Variants in KAZN observed in about 807,000 individuals in gnomAD.
The protein encoded by KAZN is kazrin, periplakin interacting protein.
A neutral mutation model predicts 87.4 loss-of-function variants in KAZN; 40 were observed. That is an observed-to-expected ratio of 0.46 (90% CI 0.36 to 0.60). The LOEUF (loss-of-function observed/expected upper bound fraction) is 0.60. KAZN is among the 20% of genes least tolerant of loss of function. KAZN has a pLI of 0.00. For missense variants in KAZN, 898 were observed against 1,073.9 expected, an observed-to-expected ratio of 0.84 and a Z score of 2.29; for synonymous variants, 466 against 458.3, an observed-to-expected ratio of 1.02 and a Z score of -0.22.
In KAZN at chr1:14,297,261, T is replaced by C. The variant is rs182631776; in HGVS notation, c.249+116669T>C. 5.3e-4 allele frequency among the ~76,000 whole-genome samples: 81 copies of C among 152,262 alleles called. 2 individuals are homozygous for C. Among genetic ancestry groups the C allele is most frequent in the Middle Eastern group, 3.4e-3 (1 of 294 alleles). ...ATCATTGCCTTGGTTAAAAGATAAG[T>C]GCCGTGTTTTTATGCCATATACCAT... On this transcript the variant is annotated intron_variant, in intron 2 of 16. Transcript: ENST00000636203.
At chr1:14,960,658 T>C (rs1180109437) in intron 1 of KAZN, 26 bp from the exon 2 acceptor site, 1 of 1,553,146 alleles carries the variant, frequency 6.4e-7, no homozygotes, top group Non-Finnish European at 8.7e-7. Flanking sequence ...GTTCCTGTCC[T>C]CTAACCCTGT....
chr1:14,160,194 C>T (rs1323383551), intron 1 of KAZN, among the ~76,000 whole-genome samples: 1 of 152,206 alleles, frequency 6.6e-6, no homozygotes, highest in African/African-American at 2.4e-5. Context: ...TTTAAGGCCC[C>T]ACAGCACTTT....
At position 14,949,444 on chromosome 1, in the gene KAZN, C is replaced by T. The variant is rs1043920917; in HGVS notation, c.227-11240C>T. 2.0e-5 allele frequency among the ~76,000 whole-genome samples: 3 copies of T among 152,140 alleles called. No homozygotes were observed. The highest frequency in any genetic ancestry group is 7.2e-5 in the African/African-American group (3 of 41,418). Reference sequence around the variant, plus strand: ...TTCATAAGTCATCAAGGAGGCCTGGCCATGGGCTCTGGGACTGAGCAGTCC... The same window carrying T: ...TTCATAAGTCATCAAGGAGGCCTGGTCATGGGCTCTGGGACTGAGCAGTCC... On this transcript the variant is annotated intron_variant, in intron 1 of 14. Transcript: ENST00000376030. The surrounding 1 kb of genome is among the most constrained non-coding windows in gnomAD (Gnocchi z 4.3).
chr1:14,209,320 T>C (rs494367), intron 2 of KAZN, among the ~76,000 whole-genome samples: 144,183 of 152,280 alleles, frequency 0.95, 68,323 homozygotes, highest in East Asian at 1. Flanking sequence ...CGCTACTCCT[T>C]GGTGTGGCAT....
intron 2 of KAZN, among the ~76,000 whole-genome samples, chr1:14,507,478 C>G (rs1334231275): frequency 1.3e-5 from 2 of 152,064 alleles, no homozygotes; most frequent in Non-Finnish European, 2.9e-5. Context: ...GGCTAGAAGA[C>G]CTAAAGAGCC....
intron 2 of KAZN, among the ~76,000 whole-genome samples, chr1:14,293,059 T>C (rs770289102): frequency 2.0e-5 from 3 of 152,176 alleles, no homozygotes; most frequent in Non-Finnish European, 4.4e-5. Flanking sequence ...CCAGGCCCTG[T>C]GCAAACTGGT....
At chr1:14,762,316 G>A (rs1644761622) in intron 1 of KAZN, among the ~76,000 whole-genome samples, 1 of 152,162 alleles carries the variant, frequency 6.6e-6, no homozygotes. Flanking sequence ...TGACCCCAGG[G>A]ATGATGTTTG....
chr1:14,441,588 C>T (rs139866149), intron 2 of KAZN, among the ~76,000 whole-genome samples: 2 of 152,176 alleles, frequency 1.3e-5, no homozygotes, highest in Non-Finnish European at 2.9e-5. Context: ...TCATCAGATA[C>T]GTTTGGATTT....
chr1:15,034,023 A>G (rs1202918518), intron 2 of KAZN, among the ~76,000 whole-genome samples: 5 of 152,208 alleles, frequency 3.3e-5, no homozygotes, highest in Non-Finnish European at 7.3e-5. Flanking sequence ...TACAGGCATA[A>G]GCCACCGCAC....
intron 2 of KAZN, among the ~76,000 whole-genome samples, chr1:14,486,359 C>T (rs1669350846): frequency 6.6e-6 from 1 of 152,126 alleles, no homozygotes; most frequent in South Asian, 2.1e-4. Context: ...TTATTTTTAA[C>T]ATAATGTATG....
chr1:13,909,758 T>C (rs1639581636), intron 1 of KAZN, among the ~76,000 whole-genome samples: 1 of 152,208 alleles, frequency 6.6e-6, no homozygotes, highest in Non-Finnish European at 1.5e-5. Context: ...GTCCTCCTTC[T>C]GCTAGCCTTA....
At chr1:13,920,052 C>A (rs890882418) in intron 1 of KAZN, among the ~76,000 whole-genome samples, 2 of 151,978 alleles carry the variant, frequency 1.3e-5, no homozygotes, top group African/African-American at 4.8e-5. Context: ...GAGTTTGAGA[C>A]CAGCCTGGCC....
At chr1:14,309,333 C>T (rs529937082) in intron 2 of KAZN, among the ~76,000 whole-genome samples, 1 of 152,282 alleles carries the variant, frequency 6.6e-6, no homozygotes, top group South Asian at 2.1e-4. Context: ...AGGTATAAGG[C>T]ACCACACAGG....
At chr1:15,110,209 GTGTT>G (rs1641490707) in intron 13 of KAZN, among the ~76,000 whole-genome samples, 1 of 144,628 alleles carries the variant, frequency 6.9e-6, no homozygotes, top group African/African-American at 2.5e-5. Context: ...TGTTTAGGTG[GTGTT>G]TGTGTGTGTT....
chr1:14,506,099 C>A (rs954133149), intron 2 of KAZN, among the ~76,000 whole-genome samples: 7 of 152,028 alleles, frequency 4.6e-5, no homozygotes, highest in Admixed American at 6.6e-5. Flanking sequence ...TTTACAACAA[C>A]AAAAAAATTA....
chr1:14,044,892 G>A (rs1176649029), intron 1 of KAZN, among the ~76,000 whole-genome samples: 1 of 152,216 alleles, frequency 6.6e-6, no homozygotes, highest in African/African-American at 2.4e-5. Context: ...TAAGTCAGAA[G>A]AAGCCTTTCA....
chr1:13,981,097 A>ATATATATATATATATATATATATG lies in KAZN; in HGVS notation c.91+87354_91+87355insATATATATATGTATATATATATAT, dbSNP rs372269866. On this transcript the variant is annotated intron_variant, in intron 1 of 16. Transcript: ENST00000636203. ...GTATAAAAAATTACTCTTTATATAT[A>ATATATATATATATATATATATATG]TATATATATATATGTATATATAAAC... Among the ~76,000 whole-genome samples the ATATATATATATATATATATATATG allele has an allele frequency of 2.4e-4, 23 of 96,932 alleles. No homozygotes were observed. The East Asian group carries it at 4.6e-3, about 19-fold the overall frequency. 63.6% of individuals were successfully genotyped at this position (96,932 alleles called of 152,430 possible). A position where few individuals can be genotyped will look rare whatever the true frequency, so the allele number is the denominator to read the frequency against.
chr1:14,351,066 C>T (rs1378575975), intron 2 of KAZN: 1 of 152,188 alleles, frequency 6.6e-6, no homozygotes, highest in African/African-American at 2.4e-5. Flanking sequence ...AGGACCTGAC[C>T]CCAGTCCCTC....
intron 2 of KAZN, among the ~76,000 whole-genome samples, chr1:14,480,718 C>G (rs1669033079): frequency 7.1e-6 from 1 of 140,184 alleles, no homozygotes; most frequent in Non-Finnish European, 1.5e-5. Flanking sequence ...TATATATAAA[C>G]AGATACATAA....
Sources: allele counts gnomAD v4.1 joint callset (sites outside exome capture counted in the v4.1 genomes callset), GRCh38; gene constraint gnomAD v4.1.1; non-coding constraint Gnocchi (gnomAD v3.1); transcripts MANE v1.5; gene names NCBI Gene and HGNC (gene_info 2026-07-23, HGNC 2026-07-21).